PARVB: variants seen among roughly 807,000 people sequenced by gnomAD.
PARVB encodes the protein parvin beta, also known as beta-parvin.
A neutral mutation model predicts 47.0 loss-of-function variants in PARVB; 46 were observed. That is an observed-to-expected ratio of 0.98 (90% CI 0.77 to 1.25). The LOEUF (loss-of-function observed/expected upper bound fraction) is 1.25. PARVB is among the 50% of genes most tolerant of loss of function. The pLI, the probability that PARVB is intolerant of heterozygous loss-of-function variation, is 0.00. For missense variants in PARVB, 473 were observed against 471.6 expected, an observed-to-expected ratio of 1.00 and a Z score of -0.03; for synonymous variants, 196 against 196.3, an observed-to-expected ratio of 1.00 and a Z score of 0.01.
chr22:44,072,483 C>T (rs376997560), intron 1 of PARVB, among the ~76,000 whole-genome samples: 6 of 152,160 alleles, frequency 3.9e-5, no homozygotes, highest in Non-Finnish European at 7.3e-5. Context: ...CCCTGTTGCC[C>T]AGGCTGGAGT....
intron 3 of PARVB, among the ~76,000 whole-genome samples, chr22:44,100,392 G>T (rs919087881): frequency 4.6e-5 from 7 of 152,254 alleles, no homozygotes; most frequent in Middle Eastern, 6.8e-3. Flanking sequence ...GGCAGGAGGG[G>T]ATTTTAGGAT....
At chr22:44,010,034 C>A (rs778767572) in intron 2 of PARVB, among the ~76,000 whole-genome samples, 1 of 152,138 alleles carries the variant, frequency 6.6e-6, no homozygotes, top group Non-Finnish European at 1.5e-5. Flanking sequence ...TCTTGAACTT[C>A]TGACCTCGTG....
At chr22:44,149,356 T>A (rs201098891) in intron 9 of PARVB, 1 of 152,326 alleles carries the variant, frequency 6.6e-6, no homozygotes, top group East Asian at 1.9e-4. Context: ...AGCTTCCCAC[T>A]CCAGCCTGTC....
chr22:44,026,330 G>T, intron 1 of PARVB: 2 of 985,528 alleles, frequency 2.0e-6, no homozygotes. Flanking sequence ...GTGGAGGCAG[G>T]AGGAGGAGCA....
intron 10 of PARVB, among the ~76,000 whole-genome samples, chr22:44,156,819 G>C (rs148323880): frequency 6.8e-4 from 103 of 152,264 alleles, no homozygotes; most frequent in African/African-American, 2.4e-3. Context: ...ATACCCAGAG[G>C]AGTCAAATTC....
chr22:44,165,137 G>T (rs772609762), intron 12 of PARVB, among the ~76,000 whole-genome samples: 2 of 152,144 alleles, frequency 1.3e-5, no homozygotes, highest in African/African-American at 2.4e-5. Context: ...GGACTAAGGC[G>T]CATACCACCA....
At chr22:44,045,951 C>G (rs1052581958) in intron 1 of PARVB, among the ~76,000 whole-genome samples, 1 of 152,164 alleles carries the variant, frequency 6.6e-6, no homozygotes, top group African/African-American at 2.4e-5. Context: ...ATTTCTGCAA[C>G]GAGCCACCAT....
At chr22:44,062,043 G>A (rs2051429525) in intron 1 of PARVB, among the ~76,000 whole-genome samples, 1 of 152,222 alleles carries the variant, frequency 6.6e-6, no homozygotes, top group Non-Finnish European at 1.5e-5. Flanking sequence ...GCGATTGACT[G>A]TACTTTGACA....
At chr22:44,055,327 A>T (rs2051286056) in intron 1 of PARVB, among the ~76,000 whole-genome samples, 2 of 151,538 alleles carry the variant, frequency 1.3e-5, no homozygotes, top group African/African-American at 4.8e-5. Context: ...CCAATGGGAG[A>T]TATGTAGCTC....
chr22:44,044,399 C>G (rs1177379873), intron 1 of PARVB, among the ~76,000 whole-genome samples: 3 of 152,104 alleles, frequency 2.0e-5, no homozygotes, highest in Admixed American at 2.0e-4. Flanking sequence ...ACCGTGTTAG[C>G]CAGGATGGTC....
chr22:44,051,388 G>A (rs2051205691), intron 1 of PARVB, among the ~76,000 whole-genome samples: 1 of 152,134 alleles, frequency 6.6e-6, no homozygotes. Context: ...GATAGCCTGT[G>A]ACTCTGTGGC....
intron 1 of PARVB, among the ~76,000 whole-genome samples, chr22:44,048,742 A>C (rs961478886): frequency 4.6e-5 from 7 of 152,012 alleles, no homozygotes; most frequent in Admixed American, 1.3e-4. Context: ...TTGTATTTTT[A>C]GTAGAGACAG....
At chr22:44,033,152 G>A (rs187978183) in intron 1 of PARVB, among the ~76,000 whole-genome samples, 86 of 152,252 alleles carry the variant, frequency 5.6e-4, no homozygotes, top group African/African-American at 2.0e-3. Context: ...GCAGTGGCAT[G>A]ATCTCGGCTC....
chr22:44,054,232 TTTA>T (rs968895319), intron 1 of PARVB, among the ~76,000 whole-genome samples: 14 of 152,036 alleles, frequency 9.2e-5, no homozygotes, highest in Admixed American at 7.9e-4. Flanking sequence ...CCCAACATCT[TTTA>T]TTATTATTAT....
In PARVB at chr22:44,168,051, A is replaced by G. The variant is rs2054207603; in HGVS notation, c.1019-551A>G. ...TGCTTTTGGATCACAGGGAGTCAGG[A>G]CTCCAAGGGCCTCGAGCGTTACCTG... On this transcript the variant is annotated intron_variant, in intron 12 of 12. Coordinates refer to ENST00000338758, the MANE Select transcript of PARVB (RefSeq NM_013327.5). 2.6e-5 allele frequency: 4 copies of G among 156,198 alleles called. No homozygotes were observed. In the South Asian group the frequency reaches 5.7e-4, roughly 22 times the overall value. The allele number at this position is 156,198 out of a possible 1,614,324, so 9.7% of individuals were successfully genotyped here. A position where few individuals can be genotyped will look rare whatever the true frequency, so the allele number is the denominator to read the frequency against.
chr22:44,136,794 G>T (rs964663834), intron 7 of PARVB, among the ~76,000 whole-genome samples: 1 of 152,228 alleles, frequency 6.6e-6, no homozygotes, highest in African/African-American at 2.4e-5. Context: ...ACATTGCAAA[G>T]TGGGGCAGGC....
At chr22:44,118,503 C>G (rs1396295097) in intron 3 of PARVB, among the ~76,000 whole-genome samples, 1 of 152,178 alleles carries the variant, frequency 6.6e-6, no homozygotes, top group Non-Finnish European at 1.5e-5. Flanking sequence ...CTTCCCTTTG[C>G]TGTCCTGGGT....
rs575235525 is a variant in PARVB at position 44,096,975 on chromosome 22, C to T, written c.202+2958C>T. On this transcript the variant is annotated intron_variant, in intron 2 of 12. Coordinates refer to ENST00000338758, the MANE Select transcript of PARVB (RefSeq NM_013327.5). ...GATTCTGAGCCCATGTCTGACCCCC[C>T]GGCACCCCCTGGATGGAGCAGCGCT... 4.6e-5 allele frequency among the ~76,000 whole-genome samples: 7 copies of T among 152,198 alleles called. No homozygotes were observed. In the South Asian group the frequency reaches 6.2e-4, roughly 14 times the overall value.
intron 1 of PARVB, among the ~76,000 whole-genome samples, chr22:44,085,730 C>G (rs1409322747): frequency 6.6e-6 from 1 of 152,146 alleles, no homozygotes; most frequent in African/African-American, 2.4e-5. Flanking sequence ...TGGAAGTGAC[C>G]AGGATACGTC....
Sources: allele counts gnomAD v4.1 joint callset (sites outside exome capture counted in the v4.1 genomes callset), GRCh38; gene constraint gnomAD v4.1.1; transcripts MANE v1.5; gene names NCBI Gene and HGNC (gene_info 2026-07-23, HGNC 2026-07-21).